PRELID2: variants seen among roughly 807,000 people sequenced by gnomAD.
PRELID2 encodes the protein PRELI domain containing 2, also known as PRELI domain-containing protein 2.
Under a neutral mutation model 28.4 loss-of-function variants are expected in PRELID2, and 25 were observed. The ratio of observed to expected loss-of-function variants is 0.88; its 90% CI spans 0.64 to 1.23. The LOEUF (loss-of-function observed/expected upper bound fraction) is 1.23. Among genes scored for constraint, PRELID2 ranks in the 50% most tolerant of loss-of-function variants. The pLI is 0.00. For missense variants in PRELID2, 201 were observed against 214.4 expected (o/e 0.94, Z 0.39); for synonymous variants, 76 against 71.6 (o/e 1.06, Z -0.31).
rs1752617355 is a variant in PRELID2 at position 145,527,385 on chromosome 5, G to A, written n.71-54070C>T. 3.9e-5 allele frequency among the ~76,000 whole-genome samples: 6 copies of A among 152,078 alleles called. No homozygotes were observed. In the South Asian group the frequency reaches 1.2e-3, roughly 32 times the overall value. The stretch of plus-strand genomic sequence containing the variant: ...ATATTATACTAAATTTATGCAAGAG[G>A]TTACCAGTCAGGGAACCTGGGTTAA... On this transcript the variant is annotated intron_variant and non_coding_transcript_variant, in intron 1 of 2. Coordinates refer to the PRELID2 transcript ENST00000510259.
the PRELID2 span, among the ~76,000 whole-genome samples, chr5:145,431,486 C>T: frequency 6.6e-6 from 1 of 152,112 alleles, no homozygotes; most frequent in African/African-American, 2.4e-5. Flanking sequence ...TGTAACTGCA[C>T]AATGAAGAAG....
chr5:145,287,664 C>T, the PRELID2 span, among the ~76,000 whole-genome samples: 1 of 152,140 alleles, frequency 6.6e-6, no homozygotes, highest in Non-Finnish European at 1.5e-5. Flanking sequence ...ATGTATCTTA[C>T]ACCAGATTTT....
the PRELID2 span, among the ~76,000 whole-genome samples, chr5:145,353,913 C>A: frequency 6.6e-6 from 1 of 152,152 alleles, no homozygotes; most frequent in African/African-American, 2.4e-5. Flanking sequence ...ACTAACTTGG[C>A]TAATTTGTCC....
At chr5:145,732,487 C>T (rs1232262413) in intron 1 of PRELID2, among the ~76,000 whole-genome samples, 3 of 152,150 alleles carry the variant, frequency 2.0e-5, no homozygotes, top group South Asian at 2.1e-4. Flanking sequence ...CCACTAGACA[C>T]GTACAACTAC....
At chr5:145,653,487 AC>A (rs1356292826) in intron 1 of PRELID2, among the ~76,000 whole-genome samples, 2 of 152,246 alleles carry the variant, frequency 1.3e-5, no homozygotes, top group Admixed American at 6.5e-5. Context: ...AAAATTGACC[AC>A]ATAGTTGGAA....
chr5:145,368,168 T>G, the PRELID2 span, among the ~76,000 whole-genome samples: 1 of 151,984 alleles, frequency 6.6e-6, no homozygotes, highest in Non-Finnish European at 1.5e-5. Context: ...ACTTTGTCTG[T>G]CTTATCCAAA....
chr5:145,310,666 A>T, the PRELID2 span, among the ~76,000 whole-genome samples: 1 of 152,130 alleles, frequency 6.6e-6, no homozygotes, highest in Admixed American at 6.5e-5. Context: ...AGGTTAATTC[A>T]TCTTGATCTT....
intron 5 of PRELID2, among the ~76,000 whole-genome samples, chr5:145,776,677 C>T (rs372306759): frequency 1.3e-4 from 20 of 152,302 alleles, no homozygotes; most frequent in Admixed American, 2.0e-4. Flanking sequence ...CTCTTTCAAG[C>T]TCCTAAACCC....
Position 145,830,741 on chromosome 5 carries a change from G to A in PRELID2, c.75+4436C>T, listed in dbSNP as rs1283452625. Among the ~76,000 whole-genome samples, 3 of 152,166 alleles carry A rather than the reference G, an allele frequency of 2.0e-5. No individual in the cohort carries two copies. In the East Asian group the frequency reaches 5.8e-4, roughly 29 times the overall value. On this transcript the variant is annotated intron_variant, in intron 1 of 6. Transcript: ENST00000683046. ...TTTATTGAGAAATATTGTATTTTAG[G>A]AACAAAGAGTATCATATTGTTTGTT...
chr5:145,511,305 G>C (rs758866591), intron 1 of PRELID2, among the ~76,000 whole-genome samples: 1 of 152,166 alleles, frequency 6.6e-6, no homozygotes, highest in African/African-American at 2.4e-5. Flanking sequence ...AAATAGTACC[G>C]TTATATACTT....
intron 1 of PRELID2, among the ~76,000 whole-genome samples, chr5:145,499,402 G>A (rs1404979605): frequency 1.3e-5 from 2 of 152,098 alleles, no homozygotes; most frequent in Non-Finnish European, 2.9e-5. Flanking sequence ...TTTTTCTGAA[G>A]TTCTCAATTT....
chr5:145,387,854 C>T, the PRELID2 span, among the ~76,000 whole-genome samples: 1 of 151,384 alleles, frequency 6.6e-6, no homozygotes, highest in Admixed American at 6.6e-5. Flanking sequence ...ATTGCTTGAG[C>T]CTGGGAGGTT....
At chr5:145,289,093 T>A in the PRELID2 span, among the ~76,000 whole-genome samples, 1 of 152,126 alleles carries the variant, frequency 6.6e-6, no homozygotes, top group Non-Finnish European at 1.5e-5. Context: ...GTTAGATTCC[T>A]TTGTCACAGT....
At chr5:145,533,314 A>T (rs141770654) in intron 1 of PRELID2, among the ~76,000 whole-genome samples, 180 of 152,238 alleles carry the variant, frequency 1.2e-3, no homozygotes, top group African/African-American at 4.1e-3. Context: ...GCACCAAAAC[A>T]GTATAGACAG....
chr5:145,643,018 T>C (rs1754134529), intron 1 of PRELID2, among the ~76,000 whole-genome samples: 1 of 152,212 alleles, frequency 6.6e-6, no homozygotes, highest in Non-Finnish European at 1.5e-5. Flanking sequence ...TGGTTCCACA[T>C]GAACTTTAAA....
chr5:145,709,582 TAAA>T (rs1402726346), intron 1 of PRELID2, among the ~76,000 whole-genome samples: 1 of 140,696 alleles, frequency 7.1e-6, no homozygotes, highest in Non-Finnish European at 1.6e-5. Context: ...GATCTGTATT[TAAA>T]AAAAAAAAAA....
chr5:145,779,630 C>T (rs1156694905), intron 5 of PRELID2, among the ~76,000 whole-genome samples: 3 of 151,838 alleles, frequency 2.0e-5, no homozygotes, highest in Admixed American at 2.0e-4. Context: ...AGGAAATACG[C>T]CAATTTGGGT....
At chr5:145,290,459 A>G in the PRELID2 span, among the ~76,000 whole-genome samples, 1 of 152,054 alleles carries the variant, frequency 6.6e-6, no homozygotes, top group Non-Finnish European at 1.5e-5. Flanking sequence ...AGGGACGTGG[A>G]TGAAGCTGGA....
downstream of PRELID2, among the ~76,000 whole-genome samples, chr5:145,755,367 T>C (rs1485411937): frequency 6.6e-6 from 1 of 152,208 alleles, no homozygotes; most frequent in Non-Finnish European, 1.5e-5. Flanking sequence ...TCCACAATAA[T>C]GCTCCTGCTC....
Sources: gnomAD v4.1 joint callset for allele counts (sites outside exome capture counted in the v4.1 genomes callset) on GRCh38, gnomAD v4.1.1 for gene constraint, MANE v1.5 for transcripts, NCBI Gene and HGNC (gene_info 2026-07-23, HGNC 2026-07-21) for gene names.